The following PLCB4 variants were observed in gnomAD, a reference collection of about 807,000 sequenced individuals.
The protein encoded by PLCB4 is 1-phosphatidylinositol 4,5-bisphosphate phosphodiesterase beta-4.
PLCB4 carries 77 observed loss-of-function variants against 178.8 expected under a neutral mutation model. That is an observed-to-expected ratio of 0.43 (90% CI 0.36 to 0.52). The LOEUF (loss-of-function observed/expected upper bound fraction) is 0.52. PLCB4 is among the 20% of genes least tolerant of loss of function. The pLI, the probability that PLCB4 is intolerant of heterozygous loss-of-function variation, is 0.00. For missense variants in PLCB4, 1,024 were observed against 1,453.4 expected (o/e 0.70, Z 4.80); for synonymous variants, 496 against 490.8 (o/e 1.01, Z -0.14).
chr20:9,158,551 G>T (rs552948521), intron 2 of PLCB4, among the ~76,000 whole-genome samples: 1 of 150,570 alleles, frequency 6.6e-6, no homozygotes, highest in African/African-American at 2.4e-5. Context: ...TTACAGGCGT[G>T]AGCCACTGCA....
intron 2 of PLCB4, among the ~76,000 whole-genome samples, chr20:9,184,191 C>T (rs945457935): frequency 7.2e-5 from 11 of 152,114 alleles, no homozygotes; most frequent in Non-Finnish European, 1.0e-4. Context: ...ATTCTGAAGG[C>T]GATCCTTGCT....
intron 18 of PLCB4, among the ~76,000 whole-genome samples, chr20:9,394,430 T>A (rs2038406817): frequency 6.6e-6 from 1 of 152,124 alleles, no homozygotes; most frequent in South Asian, 2.1e-4. Flanking sequence ...TGTGTAGATA[T>A]ATACCCACAT....
Position 9,312,353 on chromosome 20 carries a change from TACACACACACACACACAC to T in PLCB4, c.84+4482_84+4499del, listed in dbSNP as rs34443371. ...ATACTAGCCTCCCCACCTTCCACCC[TACACACACACACACACAC>T]ACACACACACACACACACACACACA... is the stretch of plus-strand genomic sequence containing the variant. On this transcript the variant is annotated intron_variant, in intron 4 of 39. Coordinates refer to ENST00000378473, the MANE Select transcript of PLCB4 (RefSeq NM_001377142.1). 5.5e-5 allele frequency among the ~76,000 whole-genome samples: 7 copies of T among 127,786 alleles called. No individual in the cohort carries two copies. The East Asian group carries it at 7.0e-4, about 13-fold the overall frequency. 83.8% of individuals were successfully genotyped at this position (127,786 alleles called of 152,430 possible). A position where few individuals can be genotyped will look rare whatever the true frequency, so the allele number is the denominator to read the frequency against.
At chr20:9,287,133 C>A (rs949366549) in intron 3 of PLCB4, among the ~76,000 whole-genome samples, 3 of 152,058 alleles carry the variant, frequency 2.0e-5, no homozygotes, top group Non-Finnish European at 4.4e-5. Context: ...TCATACATTG[C>A]CAAATAACAG....
intron 3 of PLCB4, among the ~76,000 whole-genome samples, chr20:9,239,661 A>G (rs1375366343): frequency 2.0e-5 from 3 of 152,186 alleles, no homozygotes; most frequent in African/African-American, 4.8e-5. Context: ...AGATGTATAT[A>G]TAAAGGGGAG....
At chr20:9,279,765 T>G (rs2147680299) in intron 3 of PLCB4, among the ~76,000 whole-genome samples, 1 of 152,094 alleles carries the variant, frequency 6.6e-6, no homozygotes, top group East Asian at 1.9e-4. Context: ...CTGGCTAACG[T>G]TTGAGTATTT....
intron 2 of PLCB4, among the ~76,000 whole-genome samples, chr20:9,175,722 A>G (rs1041933753): frequency 2.1e-4 from 32 of 152,106 alleles, no homozygotes; most frequent in African/African-American, 7.2e-4. Context: ...CCCTCCCCTC[A>G]TCTGCCTCCT....
At chr20:9,158,569 ACT>A (rs2092829862) in intron 2 of PLCB4, among the ~76,000 whole-genome samples, 1 of 141,404 alleles carries the variant, frequency 7.1e-6, no homozygotes, top group Non-Finnish European at 1.5e-5. Flanking sequence ...GCACCTGGCC[ACT>A]CTCACGTTTT....
At chr20:9,328,592 G>T (rs1024687118) in intron 4 of PLCB4, among the ~76,000 whole-genome samples, 3 of 152,200 alleles carry the variant, frequency 2.0e-5, no homozygotes, top group Non-Finnish European at 1.5e-5. Context: ...CTGCTGAGCA[G>T]TTACCTGAGC....
chr20:9,458,585 G>A (rs184168378), intron 34 of PLCB4, among the ~76,000 whole-genome samples: 6 of 146,998 alleles, frequency 4.1e-5, no homozygotes, highest in African/African-American at 8.2e-5. Context: ...AGCAGGGGGC[G>A]TATGGCCTTA....
intron 4 of PLCB4, among the ~76,000 whole-genome samples, chr20:9,336,752 A>G (rs1601925390): frequency 1.3e-5 from 2 of 151,894 alleles, no homozygotes; most frequent in African/African-American, 2.4e-5. Context: ...AAGAAAAAAA[A>G]CACAAAACAA....
intron 3 of PLCB4, among the ~76,000 whole-genome samples, chr20:9,262,257 G>C (rs1187461905): frequency 6.6e-6 from 1 of 152,176 alleles, no homozygotes; most frequent in Non-Finnish European, 1.5e-5. Context: ...TAATAAGAAA[G>C]AGTATGATAG....
At chr20:9,199,454 T>C (rs1487268969) in intron 2 of PLCB4, among the ~76,000 whole-genome samples, 1 of 152,186 alleles carries the variant, frequency 6.6e-6, no homozygotes, top group Non-Finnish European at 1.5e-5. Flanking sequence ...GATTCCAAGT[T>C]GGCTTTTTCA....
At chr20:9,160,635 T>A (rs1470062579) in intron 2 of PLCB4, among the ~76,000 whole-genome samples, 1 of 152,186 alleles carries the variant, frequency 6.6e-6, no homozygotes, top group Non-Finnish European at 1.5e-5. Flanking sequence ...GAGGAGCTGC[T>A]TTCTTATAAT....
rs62193561 is a variant in PLCB4 at position 9,457,079 on chromosome 20, C to T, written c.2997-335C>T. Among the ~76,000 whole-genome samples, 531 of 152,208 alleles carry T rather than the reference C, an allele frequency of 3.5e-3. 3 individuals are homozygous for T. Among genetic ancestry groups the T allele is most frequent in the Middle Eastern group, 0.02 (6 of 294 alleles). On this transcript the variant is annotated intron_variant, in intron 33 of 39. Coordinates refer to ENST00000378473, the MANE Select transcript of PLCB4 (RefSeq NM_001377142.1). ...CACTTCAAGTCTGAGGACCTATTTT[C>T]CAGTTTTCATCCCAAATAATATTTT... is the stretch of plus-strand genomic sequence containing the variant.
intron 7 of PLCB4, among the ~76,000 whole-genome samples, chr20:9,356,534 T>C (rs1486244723): frequency 2.0e-5 from 3 of 152,216 alleles, no homozygotes; most frequent in Non-Finnish European, 4.4e-5. Context: ...GTTTTACATC[T>C]AAGCACCTTA....
chr20:9,188,818 C>T (rs540423761), intron 2 of PLCB4, among the ~76,000 whole-genome samples: 7 of 115,684 alleles, frequency 6.1e-5, no homozygotes, highest in Admixed American at 6.0e-4. Flanking sequence ...CATATAGTGA[C>T]ATTCTGGGTT....
intron 2 of PLCB4, among the ~76,000 whole-genome samples, chr20:9,154,209 T>C (rs953819445): frequency 6.6e-6 from 1 of 152,178 alleles, no homozygotes; most frequent in Non-Finnish European, 1.5e-5. Context: ...GCCATTTTTG[T>C]CATCTTACTC....
chr20:9,338,257 CTCCTCTGGTG>C (rs2032738595), intron 6 of PLCB4, among the ~76,000 whole-genome samples, 190 bp downstream of exon 6: 1 of 152,142 alleles, frequency 6.6e-6, no homozygotes, highest in Non-Finnish European at 1.5e-5. Context: ...CTCTGTGACT[CTCCTCTGGTG>C]AGAGAGAGGC....
Sources: gnomAD v4.1 joint callset for allele counts (sites outside exome capture counted in the v4.1 genomes callset) on GRCh38, gnomAD v4.1.1 for gene constraint, MANE v1.5 for transcripts, NCBI Gene and HGNC (gene_info 2026-07-23, HGNC 2026-07-21) for gene names.